The following MTHFD1L variants were observed in gnomAD, a reference collection of about 807,000 sequenced individuals.
The protein encoded by MTHFD1L is monofunctional C1-tetrahydrofolate synthase, mitochondrial.
Under a neutral mutation model 119.5 loss-of-function variants are expected in MTHFD1L, and 81 were observed. The ratio of observed to expected loss-of-function variants is 0.68; its 90% CI spans 0.57 to 0.82. MTHFD1L has a LOEUF of 0.82. Among genes scored for constraint, MTHFD1L ranks in the 40% least tolerant of loss-of-function variants. The pLI is 0.00. For missense variants in MTHFD1L, 1,125 were observed against 1,253.4 expected, an observed-to-expected ratio of 0.90 and a Z score of 1.55; for synonymous variants, 430 against 475.2, an observed-to-expected ratio of 0.90 and a Z score of 1.24.
At chr6:150,905,918 C>T (rs984341343) in intron 8 of MTHFD1L, among the ~76,000 whole-genome samples, 157 bp downstream of exon 8, 1 of 152,158 alleles carries the variant, frequency 6.6e-6, no homozygotes, top group Non-Finnish European at 1.5e-5. Flanking sequence ...CTGATAGAAC[C>T]ATGCTGTTGA....
At chr6:150,874,057 G>C (rs982853648) in intron 1 of MTHFD1L, among the ~76,000 whole-genome samples, 1 of 152,092 alleles carries the variant, frequency 6.6e-6, no homozygotes, top group Non-Finnish European at 1.5e-5. Context: ...CCTGGACCCA[G>C]ACAAAAATAA....
At chr6:150,876,045 C>T (rs541258855) in intron 1 of MTHFD1L, 45 bp from the exon 2 acceptor site, 1 of 1,430,834 alleles carries the variant, frequency 7.0e-7, no homozygotes, top group South Asian at 1.2e-5. Flanking sequence ...GTCCTTTCTA[C>T]TCATTAACCA....
At chr6:150,912,092 G>A (rs1345247621) in intron 8 of MTHFD1L, among the ~76,000 whole-genome samples, 1 of 151,988 alleles carries the variant, frequency 6.6e-6, no homozygotes, top group African/African-American at 2.4e-5. Flanking sequence ...CCAATGGGAT[G>A]GCGCTAAGCC....
chr6:150,951,864 GA>G (rs1340081596), intron 16 of MTHFD1L, among the ~76,000 whole-genome samples: 4 of 151,936 alleles, frequency 2.6e-5, no homozygotes, highest in Admixed American at 1.3e-4. Flanking sequence ...CTGATGATAG[GA>G]AAATCAGGAA....
chr6:151,030,295 G>A (rs1432199800), intron 24 of MTHFD1L, among the ~76,000 whole-genome samples: 3 of 152,194 alleles, frequency 2.0e-5, no homozygotes, highest in Admixed American at 6.5e-5. Context: ...GCCCATGGAG[G>A]GTTGGAGTGG....
chr6:151,050,463 G>A (rs984474070), intron 26 of MTHFD1L, among the ~76,000 whole-genome samples: 2 of 152,172 alleles, frequency 1.3e-5, no homozygotes, highest in African/African-American at 4.8e-5. Context: ...TGCCTGGCCT[G>A]TAGTATCCTT....
At chr6:150,997,907 C>T (rs1412307490) in intron 20 of MTHFD1L, among the ~76,000 whole-genome samples, 1 of 152,202 alleles carries the variant, frequency 6.6e-6, no homozygotes, top group Non-Finnish European at 1.5e-5. Context: ...AATCGATCTG[C>T]TTGTGAGAAA....
chr6:150,959,189 C>A (rs1355349936), intron 17 of MTHFD1L: 20 of 984,554 alleles, frequency 2.0e-5, no homozygotes, highest in Non-Finnish European at 2.4e-5. Context: ...GTGACTAATG[C>A]AATCTCAACC....
chr6:151,082,291 C>G (rs895897107), intron 26 of MTHFD1L, among the ~76,000 whole-genome samples: 7 of 152,190 alleles, frequency 4.6e-5, no homozygotes, highest in African/African-American at 1.7e-4. Context: ...AGTCTTTCAT[C>G]TCCTAAGGAC....
chr6:150,881,525 C>T (rs992891337), intron 4 of MTHFD1L, among the ~76,000 whole-genome samples: 5 of 152,142 alleles, frequency 3.3e-5, no homozygotes, highest in African/African-American at 9.7e-5. Context: ...GTTGCTTCTA[C>T]CAAATGCTTG....
At chr6:150,949,609 C>T (rs779891968) in intron 16 of MTHFD1L, among the ~76,000 whole-genome samples, 35 of 152,104 alleles carry the variant, frequency 2.3e-4, no homozygotes, top group Non-Finnish European at 3.2e-4. Flanking sequence ...TGTGCTTTCA[C>T]CCACTTAACG....
At chr6:150,996,810 G>A (rs534267055) in intron 20 of MTHFD1L, among the ~76,000 whole-genome samples, 121 of 98,954 alleles carry the variant, frequency 1.2e-3, no homozygotes, top group African/African-American at 3.8e-3. Flanking sequence ...AAGTAGGCGT[G>A]TAGAAGCAGG....
At chr6:150,889,186 A>C (rs1371343122) in intron 7 of MTHFD1L, among the ~76,000 whole-genome samples, 1 of 151,874 alleles carries the variant, frequency 6.6e-6, no homozygotes, top group Non-Finnish European at 1.5e-5. Flanking sequence ...CAAAAAAAAA[A>C]GCTAAAACAT....
chr6:151,047,463 T>C (rs1204675920), intron 26 of MTHFD1L, among the ~76,000 whole-genome samples: 6 of 152,200 alleles, frequency 3.9e-5, no homozygotes, highest in Non-Finnish European at 1.5e-5. Flanking sequence ...GAAGGGATTT[T>C]ATTAAGCCCC....
At chr6:151,018,876 C>G (rs1199753142) in intron 24 of MTHFD1L, among the ~76,000 whole-genome samples, 3 of 152,112 alleles carry the variant, frequency 2.0e-5, no homozygotes, top group Non-Finnish European at 1.5e-5. Flanking sequence ...TTTATGAGGC[C>G]ATTTTGTGAA....
intron 27 of MTHFD1L, among the ~76,000 whole-genome samples, chr6:151,095,878 C>T (rs1257511615): frequency 2.0e-5 from 3 of 152,218 alleles, no homozygotes; most frequent in Admixed American, 2.0e-4. Flanking sequence ...ATTTTGCCAC[C>T]CCCATCACAT....
chr6:150,970,865 A>G (rs933424586), intron 19 of MTHFD1L, among the ~76,000 whole-genome samples: 1 of 152,154 alleles, frequency 6.6e-6, no homozygotes, highest in African/African-American at 2.4e-5. Flanking sequence ...CACCAACTCC[A>G]TACTGGGAGT....
At chr6:150,899,056 A>G in intron 7 of MTHFD1L, 1 of 903,266 alleles carries the variant, frequency 1.1e-6, no homozygotes, top group Non-Finnish European at 1.3e-6. Flanking sequence ...TGTGAAGCTT[A>G]CTTCCAGAGG....
intron 26 of MTHFD1L, among the ~76,000 whole-genome samples, chr6:151,079,158 C>T (rs1792867108): frequency 6.6e-6 from 1 of 152,056 alleles, no homozygotes; most frequent in Non-Finnish European, 1.5e-5. Flanking sequence ...ATCAGATGGC[C>T]TTGCTGTGAA....
Sources: allele counts gnomAD v4.1 joint callset (sites outside exome capture counted in the v4.1 genomes callset), GRCh38; gene constraint gnomAD v4.1.1; transcripts MANE v1.5; gene names NCBI Gene and HGNC (gene_info 2026-07-23, HGNC 2026-07-21).